MAP2: variants seen among roughly 807,000 people sequenced by gnomAD.
The protein encoded by MAP2 is microtubule-associated protein 2.
MAP2 carries 14 observed loss-of-function variants against 137.6 expected under a neutral mutation model. That is an observed-to-expected ratio of 0.10 (90% CI 0.07 to 0.16). MAP2 has a LOEUF of 0.16. Ranked by LOEUF, MAP2 falls within the 10% of genes least tolerant of loss-of-function variation. The pLI, the probability that MAP2 is intolerant of heterozygous loss-of-function variation, is 1.00. For synonymous variants in MAP2, 786 were observed against 782.3 expected, an observed-to-expected ratio of 1.00 and a Z score of -0.08; for missense variants, 2,088 against 2,191.5, an observed-to-expected ratio of 0.95 and a Z score of 0.94.
At chr2:209,468,213 C>T (rs1041463815) in intron 1 of MAP2, among the ~76,000 whole-genome samples, 1 of 151,510 alleles carries the variant, frequency 6.6e-6, no homozygotes, top group Non-Finnish European at 1.5e-5. Context: ...AAAATTTGGG[C>T]CAGTTTTATC....
chr2:209,687,282 A>G (rs2057338091), intron 7 of MAP2, among the ~76,000 whole-genome samples: 1 of 151,316 alleles, frequency 6.6e-6, no homozygotes, highest in Admixed American at 6.6e-5. Flanking sequence ...AAATCCTAAT[A>G]ACTTTCTTCT....
At chr2:209,592,121 G>A (rs1337008182) in intron 3 of MAP2, among the ~76,000 whole-genome samples, 1 of 152,042 alleles carries the variant, frequency 6.6e-6, no homozygotes, top group Non-Finnish European at 1.5e-5. Context: ...TCTAAACTGG[G>A]TTCAGCACAC....
At chr2:209,688,557 A>G (rs2057851628) in intron 7 of MAP2, among the ~76,000 whole-genome samples, 2 of 152,170 alleles carry the variant, frequency 1.3e-5, no homozygotes, top group Admixed American at 1.3e-4. Flanking sequence ...TCCCCAGGTG[A>G]CTAAATCTTG....
intron 2 of MAP2, among the ~76,000 whole-genome samples, chr2:209,517,248 T>C (rs982935528): frequency 4.6e-5 from 7 of 152,102 alleles, no homozygotes; most frequent in African/African-American, 1.7e-4. Flanking sequence ...ATTTTCTTTT[T>C]GGTGATCACT....
intron 2 of MAP2, among the ~76,000 whole-genome samples, chr2:209,516,741 G>A (rs2062569498): frequency 6.6e-6 from 1 of 152,068 alleles, no homozygotes; most frequent in Non-Finnish European, 1.5e-5. Flanking sequence ...AATTTAGACT[G>A]TCTGGCTACA....
intron 1 of MAP2, among the ~76,000 whole-genome samples, chr2:209,451,941 A>G (rs1700417405): frequency 6.6e-6 from 1 of 152,104 alleles, no homozygotes; most frequent in African/African-American, 2.4e-5. Context: ...AATATTTTAA[A>G]ATCGATGAAT....
intron 2 of MAP2, among the ~76,000 whole-genome samples, chr2:209,509,660 AT>A (rs549138766): frequency 1.3e-5 from 2 of 151,888 alleles, no homozygotes; most frequent in South Asian, 2.1e-4. Context: ...GGAAATTACC[AT>A]TTTTTTCAAC....
intron 1 of MAP2, among the ~76,000 whole-genome samples, chr2:209,476,891 A>G (rs1002448996): frequency 6.6e-5 from 10 of 152,190 alleles, no homozygotes; most frequent in Admixed American, 5.2e-4. Context: ...TTTATTCTGC[A>G]CATGTAAAGG....
At chr2:209,700,901 C>A (rs1170487650) in intron 11 of MAP2, among the ~76,000 whole-genome samples, 1 of 152,012 alleles carries the variant, frequency 6.6e-6, no homozygotes, top group Non-Finnish European at 1.5e-5. Context: ...AGTAAATGTA[C>A]TTCCATGTCG....
chr2:209,500,705 A>G (rs1370298641), intron 1 of MAP2, among the ~76,000 whole-genome samples: 2 of 152,104 alleles, frequency 1.3e-5, no homozygotes, highest in Non-Finnish European at 2.9e-5. Flanking sequence ...GGATCCCTAA[A>G]ATACTAAATG....
At chr2:209,702,084 T>C (rs1004485101) in intron 11 of MAP2, among the ~76,000 whole-genome samples, 11 of 152,066 alleles carry the variant, frequency 7.2e-5, no homozygotes, top group African/African-American at 2.7e-4. Context: ...ATTATTTTAG[T>C]TAACTGAATG....
At chr2:209,668,275 T>C (rs780598664) in intron 5 of MAP2, among the ~76,000 whole-genome samples, 1 of 151,978 alleles carries the variant, frequency 6.6e-6, no homozygotes, top group Non-Finnish European at 1.5e-5. Flanking sequence ...TGAGAAGCAA[T>C]ACAGTGGAGA....
intron 4 of MAP2, among the ~76,000 whole-genome samples, chr2:209,644,524 T>C (rs1228904684): frequency 6.6e-6 from 1 of 152,034 alleles, no homozygotes; most frequent in Non-Finnish European, 1.5e-5. Context: ...GGCAGAACCT[T>C]TCTGTGTTTA....
intron 1 of MAP2, among the ~76,000 whole-genome samples, chr2:209,486,069 A>C (rs1461169182): frequency 1.3e-5 from 2 of 152,186 alleles, no homozygotes; most frequent in Non-Finnish European, 2.9e-5. Flanking sequence ...CCACTATAGG[A>C]ATATAAGCTT....
intron 1 of MAP2, among the ~76,000 whole-genome samples, chr2:209,463,793 T>C (rs905844380): frequency 4.4e-4 from 67 of 152,168 alleles, no homozygotes; most frequent in African/African-American, 1.5e-3. Flanking sequence ...TTTATCTTTG[T>C]AGATGCGTCT....
rs370180460 is a variant in MAP2, at chr2:209,695,766, G to A, written c.3596G>A (p.Gly1199Glu). 15 of 1,613,724 alleles carry A rather than the reference G, an allele frequency of 9.3e-6. No homozygotes were observed. The highest frequency in any genetic ancestry group is 1.1e-5 in the Non-Finnish European group (13 of 1,179,972). The change falls in exon 8 of 16, where the codon GGG becomes GAG. Residue 1199 changes from glycine to glutamate, a missense_variant. Physicochemically the swap from Gly to Glu is moderately conservative, Grantham distance 98 (BLOSUM62 -2). This residue lies in a region of MAP2 where 591 missense variants were observed against 642.6 expected (regional missense o/e 0.92). Transcript: ENST00000682079. ...GATGTCCAGATGGAATTTATTCAGGGGCCAAAAGAAGAAAGCAAAGAGACC... is the reference window on the plus strand; with the variant it reads ...GATGTCCAGATGGAATTTATTCAGGAGCCAAAAGAAGAAAGCAAAGAGACC... ...RADVQMEFIQ[G>E]PKEESKETPD...
In MAP2 at chr2:209,505,635, A is replaced by AG. The variant is rs2060943149; in HGVS notation, c.-221-1957_-221-1956insG. On this transcript the variant is annotated intron_variant, in intron 1 of 15. Transcript: ENST00000682079. ...TAATAGTTTTTGTGCTGCCTAATGG[A>AG]TACTGCTGTGGGTTTTTTGTTTTTG... Among the ~76,000 whole-genome samples, 21 of 149,400 alleles carry AG rather than the reference A, an allele frequency of 1.4e-4. 1 individual carries two copies. Among genetic ancestry groups the AG allele is most frequent in the African/African-American group, 4.9e-4 (19 of 38,826 alleles).
At chr2:209,433,409 T>C (rs1449874335) in intron 1 of MAP2, among the ~76,000 whole-genome samples, 1 of 152,044 alleles carries the variant, frequency 6.6e-6, no homozygotes, top group Admixed American at 6.6e-5. Flanking sequence ...GAAAGACCAA[T>C]GGTACTGGAG....
chr2:209,536,245 A>C (rs2150658731), intron 2 of MAP2, among the ~76,000 whole-genome samples: 1 of 152,312 alleles, frequency 6.6e-6, no homozygotes, highest in East Asian at 1.9e-4. Flanking sequence ...TGCAAATATA[A>C]AATAATAAGC....
Sources: gnomAD v4.1 joint callset for allele counts (sites outside exome capture counted in the v4.1 genomes callset) on GRCh38, gnomAD v4.1.1 for gene constraint, gnomAD v4.1.1 regional missense constraint, MANE v1.5 for transcripts, NCBI Gene and HGNC (gene_info 2026-07-23, HGNC 2026-07-21) for gene names.